SMIM13: variants seen among roughly 807,000 people sequenced by gnomAD.
SMIM13 encodes UPF0766 protein C6orf228.
Under a neutral mutation model 5.9 loss-of-function variants are expected in SMIM13, and 3 were observed. The observed-to-expected ratio is 0.51, with a 90% CI of 0.23 to 1.31. SMIM13 has a LOEUF of 1.31. Among genes scored for constraint, SMIM13 ranks in the 40% most tolerant of loss-of-function variants. The probability of loss-of-function intolerance (pLI) is 0.18; values close to 1 mark genes in which losing one functional copy is unlikely to be tolerated. For synonymous variants in SMIM13, 55 were observed against 46.0 expected (o/e 1.19, Z -0.79); for missense variants, 85 against 109.9 (o/e 0.77, Z 1.01).
intron 1 of SMIM13, among the ~76,000 whole-genome samples, chr6:11,126,653 C>T (rs552595427): frequency 1.1e-4 from 16 of 152,060 alleles, no homozygotes; most frequent in Middle Eastern, 3.4e-3. Context: ...TTGGTGAGGT[C>T]GTGTTTTCCT....
At chr6:11,109,778 T>C (rs1758141389) in intron 1 of SMIM13, among the ~76,000 whole-genome samples, 1 of 152,206 alleles carries the variant, frequency 6.6e-6, no homozygotes, top group Non-Finnish European at 1.5e-5. Flanking sequence ...AGTCAAACTT[T>C]TCCCAGTTCT....
At chr6:11,128,102 C>A (rs1047336467) in intron 1 of SMIM13, among the ~76,000 whole-genome samples, 16 of 152,298 alleles carry the variant, frequency 1.1e-4, no homozygotes, top group African/African-American at 3.6e-4. Context: ...TCCGCATAGC[C>A]ACCACAGCTC....
At chr6:11,106,148 A>G (rs933224432) in intron 1 of SMIM13, among the ~76,000 whole-genome samples, 6 of 152,200 alleles carry the variant, frequency 3.9e-5, no homozygotes, top group Non-Finnish European at 5.9e-5. Context: ...TCATTCTGCA[A>G]TGACCTGGGT....
rs891064707 is a variant in SMIM13, at chr6:11,103,631, C to T, written c.76+9242C>T. 2.9e-5 allele frequency: 43 copies of T among 1,478,306 alleles called. No homozygotes were observed. The East Asian group carries it at 4.5e-4, about 15-fold the overall frequency. The allele number at this position is 1,478,306 out of a possible 1,614,324, so 91.6% of individuals were successfully genotyped here. On this transcript the variant is annotated intron_variant, in intron 1 of 1. Coordinates refer to ENST00000416247, the MANE Select transcript of SMIM13 (RefSeq NM_001135575.2). ...CAAAAACCATATCCAGCCAGGTCCA[C>T]GGGAGACGGGGCAGGATTTCGCCTC...
In SMIM13 at chr6:11,094,038, G is replaced by A. The variant is rs1245808423; in HGVS notation, c.-276G>A. On this transcript the variant is annotated 5_prime_UTR_variant, in exon 1 of 2. Coordinates refer to ENST00000416247, the MANE Select transcript of SMIM13 (RefSeq NM_001135575.2). ...TGGGTGCCGCGGCCTCGGCTCTCCG[G>A]GGCGATGAGGGACTAGAGGCGCCCT... The A allele has an allele frequency of 1.3e-5, 2 of 152,484 alleles. No homozygotes were observed. Among genetic ancestry groups the A allele is most frequent in the African/African-American group, 4.8e-5 (2 of 41,470 alleles). The allele number at this position is 152,484 out of a possible 1,614,324, so 9.4% of individuals were successfully genotyped here. A position where few individuals can be genotyped will look rare whatever the true frequency, so the allele number is the denominator to read the frequency against.
At chr6:11,094,447 G>GTTTT in intron 1 of SMIM13, 58 bp downstream of exon 1, 1 of 1,273,730 alleles carries the variant, frequency 7.9e-7, no homozygotes. Flanking sequence ...GATCTGCTGG[G>GTTTT]GTTTTTTTTG....
At chr6:11,107,128 C>T (rs754927408) in intron 1 of SMIM13, among the ~76,000 whole-genome samples, 8 of 152,300 alleles carry the variant, frequency 5.3e-5, no homozygotes, top group Non-Finnish European at 1.2e-4. Flanking sequence ...AACCGTATGT[C>T]ATGTGGATTA....
At chr6:11,125,367 G>A (rs537191199) in intron 1 of SMIM13, among the ~76,000 whole-genome samples, 58 of 149,262 alleles carry the variant, frequency 3.9e-4, no homozygotes, top group Non-Finnish European at 7.1e-4. Flanking sequence ...AGGCCAAGGC[G>A]GGTGGATCCC....
At chr6:11,115,675 C>G (rs1758227269) in intron 1 of SMIM13, among the ~76,000 whole-genome samples, 1 of 147,762 alleles carries the variant, frequency 6.8e-6, no homozygotes, top group Non-Finnish European at 1.5e-5. Context: ...TTCTTTCTTT[C>G]TTTTTTCTTT....
Position 11,104,724 on chromosome 6 carries a change from C to T in SMIM13, c.76+10335C>T, listed in dbSNP as rs755085420. On this transcript the variant is annotated intron_variant, in intron 1 of 1. Coordinates refer to ENST00000416247, the MANE Select transcript of SMIM13 (RefSeq NM_001135575.2). ...GTTTCGAGTACTGCATGAGCTTGGGCGTCCCTGGCAAAACCGGCTGGATTT... is the reference window on the plus strand; with the variant it reads ...GTTTCGAGTACTGCATGAGCTTGGGTGTCCCTGGCAAAACCGGCTGGATTT... 8.1e-6 allele frequency: 13 copies of T among 1,614,044 alleles called. No individual in the cohort carries two copies. Among genetic ancestry groups the T allele is most frequent in the South Asian group, 6.6e-5 (6 of 91,088 alleles).
intron 1 of SMIM13, among the ~76,000 whole-genome samples, chr6:11,106,555 A>C (rs899937415): frequency 6.6e-6 from 1 of 152,230 alleles, no homozygotes; most frequent in Non-Finnish European, 1.5e-5. Context: ...GGCTTTAGGT[A>C]GACGGAGAAG....
chr6:11,138,719 T>C lies in SMIM13; in HGVS notation c.*4117T>C, dbSNP rs1561763784. Reference sequence around the variant, plus strand: ...TTCACTTTAAACTGCATAGAATAAATTAAATTGAAAACAACAAAAGTTATG... The same window carrying C: ...TTCACTTTAAACTGCATAGAATAAACTAAATTGAAAACAACAAAAGTTATG... On this transcript the variant is annotated 3_prime_UTR_variant, in exon 2 of 2. Transcript: ENST00000416247. 1 of 152,110 alleles carries C rather than the reference T, an allele frequency of 6.6e-6. No individual in the cohort carries two copies. Among genetic ancestry groups the C allele is most frequent in the East Asian group, 1.9e-4 (1 of 5,188 alleles). The allele number at this position is 152,110 out of a possible 1,614,324, so 9.4% of individuals were successfully genotyped here. A position where few individuals can be genotyped will look rare whatever the true frequency, so the allele number is the denominator to read the frequency against.
chr6:11,114,800 A>G (rs910950681), intron 1 of SMIM13, among the ~76,000 whole-genome samples: 2 of 151,800 alleles, frequency 1.3e-5, no homozygotes, highest in East Asian at 3.9e-4. Flanking sequence ...GGGTTTCACC[A>G]TGTTGATCAG....
rs938933956 is a variant in SMIM13 at position 11,136,739 on chromosome 6, G to C, written c.*2137G>C. 6.6e-6 allele frequency: 1 copy of C among 151,902 alleles called. No homozygotes were observed. The highest frequency in any genetic ancestry group is 1.5e-5 in the Non-Finnish European group (1 of 67,976). 9.4% of individuals were successfully genotyped at this position (151,902 alleles called of 1,614,324 possible). The stretch of plus-strand genomic sequence containing the variant: ...AATTTTCTATTTTTATGTGACTCTA[G>C]GGCATAACAAAACAGTGACAGTTTC... On this transcript the variant is annotated 3_prime_UTR_variant, in exon 2 of 2. Transcript: ENST00000416247.
chr6:11,122,160 T>TA (rs1214392790), intron 1 of SMIM13, among the ~76,000 whole-genome samples: 1 of 152,000 alleles, frequency 6.6e-6, no homozygotes, highest in Non-Finnish European at 1.5e-5. Flanking sequence ...CTAGGGAGCT[T>TA]AAAAAAAATG....
intron 1 of SMIM13, chr6:11,102,579 A>G (rs1007529194): frequency 1.3e-5 from 2 of 152,222 alleles, no homozygotes; most frequent in African/African-American, 4.8e-5. Flanking sequence ...ACAGAGGTAC[A>G]AGGGGGAAAA....
In SMIM13 at chr6:11,130,692, A is replaced by C. The variant is rs551774126; in HGVS notation, c.77-3711A>C. Among the ~76,000 whole-genome samples, 3 of 152,276 alleles carry C rather than the reference A, an allele frequency of 2.0e-5. No individual in the cohort carries two copies. The East Asian group carries it at 5.8e-4, about 29-fold the overall frequency. Reference sequence around the variant, plus strand: ...AATATTTTTTTGATTCCTCTTACTAAAATTGGGGAAGAGAGAGTCTGTGAT... The same window carrying C: ...AATATTTTTTTGATTCCTCTTACTACAATTGGGGAAGAGAGAGTCTGTGAT... On this transcript the variant is annotated intron_variant, in intron 1 of 1. Coordinates refer to ENST00000416247, the MANE Select transcript of SMIM13 (RefSeq NM_001135575.2).
Position 11,094,346 on chromosome 6 carries a change from G to C in SMIM13, c.33G>C (p.Val11=). 1 of 1,536,594 alleles carries C rather than the reference G, an allele frequency of 6.5e-7. No individual in the cohort carries two copies. The highest frequency in any genetic ancestry group is 1.2e-5 in the South Asian group (1 of 83,708). Reference sequence around the variant, plus strand: ...ACAGCGTCGGGCTGACTCTGCTTGTGTTCGTGGCCACGCTGCTGATCGTCC... The same window carrying C: ...ACAGCGTCGGGCTGACTCTGCTTGTCTTCGTGGCCACGCTGCTGATCGTCC... MWHSVGLTLL[V]FVATLLIVLL... The change falls in exon 1 of 2, where the codon GTG becomes GTC. Residue 11 remains valine (V), a synonymous_variant. Transcript: ENST00000416247.
chr6:11,113,733 T>A (rs990343360), intron 1 of SMIM13, among the ~76,000 whole-genome samples: 2 of 151,926 alleles, frequency 1.3e-5, no homozygotes, highest in Non-Finnish European at 2.9e-5. Context: ...TGTGCCACCA[T>A]ACCTAGCTAA....
Sources: allele counts gnomAD v4.1 joint callset (sites outside exome capture counted in the v4.1 genomes callset), GRCh38; gene constraint gnomAD v4.1.1; transcripts MANE v1.5; gene names NCBI Gene and HGNC (gene_info 2026-07-23, HGNC 2026-07-21).